Variants in SVIL observed in about 807,000 individuals in gnomAD.
SVIL encodes the protein archvillin.
SVIL carries 101 observed loss-of-function variants against 240.4 expected under a neutral mutation model. The observed-to-expected ratio is 0.42, with a 90% confidence interval of 0.36 to 0.50. The LOEUF is 0.50. Ranked by LOEUF, SVIL falls within the 20% of genes least tolerant of loss-of-function variation. The probability of loss-of-function intolerance (pLI) is 0.01; values close to 1 mark genes in which losing one functional copy is unlikely to be tolerated. For missense variants in SVIL, 2,512 were observed against 2,818.7 expected, an observed-to-expected ratio of 0.89 and a Z score of 2.46; for synonymous variants, 999 against 1,100.0, an observed-to-expected ratio of 0.91 and a Z score of 1.82.
chr10:29,662,978 TG>T (rs1446560955), intron 2 of SVIL, among the ~76,000 whole-genome samples: 1 of 152,172 alleles, frequency 6.6e-6, no homozygotes, highest in East Asian at 1.9e-4. Flanking sequence ...CTGGGTGTGG[TG>T]GCATGCACCT....
chr10:29,530,909 C>CT (rs778197703), intron 10 of SVIL, among the ~76,000 whole-genome samples: 1 of 152,214 alleles, frequency 6.6e-6, no homozygotes, highest in Non-Finnish European at 1.5e-5. Context: ...GATTTCTACT[C>CT]TAACGTTTGT....
intron 2 of SVIL, among the ~76,000 whole-genome samples, chr10:29,676,414 C>T (rs1960209112): frequency 6.6e-6 from 1 of 152,014 alleles, no homozygotes; most frequent in South Asian, 2.1e-4. Context: ...ACAATATAAA[C>T]TCTTTGAGAG....
chr10:29,501,121 A>C (rs192281474), intron 17 of SVIL, among the ~76,000 whole-genome samples: 1 of 151,860 alleles, frequency 6.6e-6, no homozygotes. Flanking sequence ...GTCCCTGCCA[A>C]CTTAAATTAG....
At chr10:29,680,300 G>A (rs1441418914) in intron 2 of SVIL, among the ~76,000 whole-genome samples, 1 of 152,218 alleles carries the variant, frequency 6.6e-6, no homozygotes, top group Non-Finnish European at 1.5e-5. Flanking sequence ...AGGTGCATAT[G>A]ACCCAGCTAG....
intron 2 of SVIL, among the ~76,000 whole-genome samples, chr10:29,682,905 G>C (rs975560830): frequency 6.6e-6 from 1 of 152,120 alleles, no homozygotes; most frequent in Admixed American, 6.5e-5. Context: ...AGAGCAGGTG[G>C]GTCCAAAGAT....
intron 18 of SVIL, among the ~76,000 whole-genome samples, chr10:29,496,984 G>A (rs191594787): frequency 5.9e-5 from 9 of 152,338 alleles, no homozygotes; most frequent in East Asian, 3.9e-4. Flanking sequence ...AAGAAGGGTT[G>A]GGGCTCACGT....
At chr10:29,544,153 G>A (rs1271662318) in intron 6 of SVIL, among the ~76,000 whole-genome samples, 1 of 152,168 alleles carries the variant, frequency 6.6e-6, no homozygotes, top group East Asian at 1.9e-4. Context: ...GAAGTCAAAT[G>A]CAGCACAGTC....
intron 17 of SVIL, among the ~76,000 whole-genome samples, chr10:29,507,550 C>A (rs529748226): frequency 8.3e-6 from 1 of 119,850 alleles, no homozygotes; most frequent in African/African-American, 3.5e-5. Flanking sequence ...CTCACAGATA[C>A]ACACTCATAG....
chr10:29,646,950 C>T (rs1418717003), intron 3 of SVIL, among the ~76,000 whole-genome samples: 1 of 152,148 alleles, frequency 6.6e-6, no homozygotes, highest in Non-Finnish European at 1.5e-5. Flanking sequence ...AAAAACTCAT[C>T]CGTTCCACCT....
chr10:29,709,654 C>A (rs562317116), intron 1 of SVIL, among the ~76,000 whole-genome samples: 21 of 152,312 alleles, frequency 1.4e-4, no homozygotes, highest in Admixed American at 3.9e-4. Context: ...CTGTGGAATA[C>A]CCAGGGGCGT....
At position 29,555,022 on chromosome 10, in the gene SVIL, C is replaced by G. The variant is rs761743793; in HGVS notation, c.8+29G>C. The G allele has an allele frequency of 3.1e-6, 5 of 1,612,638 alleles. No homozygotes were observed. The South Asian group carries it at 3.3e-5, about 11-fold the overall frequency. ...TACTGCTTTGCCAAGCTCTCTTCTA[C>G]TTCCTAACTCCCACTATAAAGATCT... is the stretch of plus-strand genomic sequence containing the variant. On this transcript the variant is annotated intron_variant, in intron 4 of 37. Transcript: ENST00000355867.
chr10:29,611,790 A>C (rs1957253599), intron 1 of SVIL, among the ~76,000 whole-genome samples: 1 of 152,118 alleles, frequency 6.6e-6, no homozygotes, highest in South Asian at 2.1e-4. Flanking sequence ...CTCAGAGTGA[A>C]TCCTTCAAGG....
chr10:29,619,493 G>T (rs1268220382), intron 1 of SVIL, among the ~76,000 whole-genome samples: 2 of 152,224 alleles, frequency 1.3e-5, no homozygotes, highest in Non-Finnish European at 2.9e-5. Context: ...ATGGACTGAA[G>T]GGAACCAAAG....
At chr10:29,545,909 G>A (rs927883742) in intron 6 of SVIL, among the ~76,000 whole-genome samples, 5 of 150,056 alleles carry the variant, frequency 3.3e-5, no homozygotes, top group Non-Finnish European at 4.4e-5. Flanking sequence ...AAGAAAATGA[G>A]GTCTACCTTT....
At chr10:29,516,342 G>C (rs187437173) in intron 16 of SVIL, among the ~76,000 whole-genome samples, 1 of 152,274 alleles carries the variant, frequency 6.6e-6, no homozygotes, top group Admixed American at 6.5e-5. Context: ...GCCAGCCCTC[G>C]GCTCCAGCCT....
chr10:29,678,862 G>A (rs1960406652), intron 2 of SVIL, among the ~76,000 whole-genome samples: 1 of 152,192 alleles, frequency 6.6e-6, no homozygotes, highest in South Asian at 2.1e-4. Flanking sequence ...TGAGCTGCAT[G>A]ACCATCTCCC....
intron 3 of SVIL, among the ~76,000 whole-genome samples, 155 bp downstream of exon 3, chr10:29,563,046 G>C (rs921943533): frequency 6.6e-6 from 1 of 152,168 alleles, no homozygotes; most frequent in African/African-American, 2.4e-5. Flanking sequence ...CATGGAGAGA[G>C]GGGGAAGGGA....
Position 29,486,181 on chromosome 10 carries a change from T to A in SVIL, c.4683A>T (p.Glu1561Asp). The A allele has an allele frequency of 6.2e-7, 1 of 1,614,214 alleles. No homozygotes were observed. The highest frequency in any genetic ancestry group is 8.5e-7 in the Non-Finnish European group (1 of 1,180,038). ...CCATGAGACGGTAAATGCAGTTAGT[T>A]TCTATTATGGCTGCTTCATAGAGTT... ...EDELYEAAII[E>D]TNCIYRLMDD... The change falls in exon 26 of 38, where the codon GAA (glutamate) becomes GAT (aspartate). Residue 1561 changes from glutamate (E) to aspartate (D), a missense_variant. This residue lies in a region of SVIL where 797 missense variants were observed against 925.3 expected (regional missense o/e 0.86). Transcript: ENST00000355867.
At chr10:29,564,388 G>A (rs1356915981) in intron 2 of SVIL, among the ~76,000 whole-genome samples, 5 of 152,164 alleles carry the variant, frequency 3.3e-5, no homozygotes. Context: ...GATGTGGTCG[G>A]AGCGGGCAGG....
Sources: gnomAD v4.1 joint callset for allele counts (sites outside exome capture counted in the v4.1 genomes callset) on GRCh38, gnomAD v4.1.1 for gene constraint, gnomAD v4.1.1 regional missense constraint, MANE v1.5 for transcripts, NCBI Gene and HGNC (gene_info 2026-07-23, HGNC 2026-07-21) for gene names.